Variants in COL20A1 observed in about 807,000 individuals in gnomAD.
COL20A1 encodes the protein collagen type XX alpha 1 chain.
COL20A1 carries 164 observed loss-of-function variants against 152.9 expected under a neutral mutation model. The observed-to-expected ratio is 1.07, with a 90% CI of 0.94 to 1.22. COL20A1 has a LOEUF of 1.22. Ranked by LOEUF, COL20A1 falls within the 50% of genes most tolerant of loss-of-function variation. COL20A1 has a pLI of 0.00. For synonymous variants in COL20A1, 864 were observed against 756.0 expected (o/e 1.14, Z -2.34); for missense variants, 1,873 against 1,744.8 (o/e 1.07, Z -1.31).
chr20:63,313,949 T>C lies in COL20A1; in HGVS notation c.2358+58T>C, dbSNP rs2068051839. On this transcript the variant is annotated intron_variant, in intron 18 of 35. Coordinates refer to ENST00000358894, the MANE Select transcript of COL20A1 (RefSeq NM_020882.4). The surrounding 1 kb of genome is among the most constrained non-coding windows in gnomAD (Gnocchi z 5.9). ...CTCGTGGGGCCTCCTGGAAGGGGTA[T>C]GGCCACACTGTCTGCGAAGGGTGGC... 2 of 1,588,122 alleles carry C rather than the reference T, an allele frequency of 1.3e-6. No individual in the cohort carries two copies. Among genetic ancestry groups the C allele is most frequent in the Admixed American group, 1.7e-5 (1 of 58,348 alleles).
intron 20 of COL20A1, 106 bp downstream of exon 20, chr20:63,315,545 T>C: frequency 9.4e-7 from 1 of 1,058,868 alleles, no homozygotes; most frequent in East Asian, 2.7e-5. Context: ...GGTGGTGCAG[T>C]TGGAGGATGT....
Position 63,305,907 on chromosome 20 carries a change from G to C in COL20A1, c.364G>C (p.Asp122His). ...TGAGGATCTGAAGAGTAGCTCCCTG[G>C]ACAGGAGCAGCCAGAGGCCCCTCGG... ...VIEDLKSSSL[D>H]RSSQRPLGSG... Residue 122 changes from aspartate (D) to histidine (H), a missense_variant, in exon 5 of 36, where the codon GAC becomes CAC. Coordinates refer to ENST00000358894, the MANE Select transcript of COL20A1 (RefSeq NM_020882.4). The surrounding 1 kb of genome is among the most constrained non-coding windows in gnomAD (Gnocchi z 4.9). The C allele has an allele frequency of 6.2e-7, 1 of 1,613,020 alleles. No individual in the cohort carries two copies. Among genetic ancestry groups the C allele is most frequent in the Non-Finnish European group, 8.5e-7 (1 of 1,179,834 alleles).
chr20:63,333,948 A>T lies in COL20A1; in HGVS notation c.*3232A>T, dbSNP rs78889887. On this transcript the variant is annotated 3_prime_UTR_variant, in exon 36 of 36. Transcript: ENST00000358894. ...ACCAGGGCAGATGGTGGGGGAAGCC[A>T]GTGTCTGTAGATTCAGTGCATTTCT... 6.6e-6 allele frequency: 1 copy of T among 152,302 alleles called. No individual in the cohort carries two copies. The highest frequency in any genetic ancestry group is 2.4e-5 in the African/African-American group (1 of 41,452). The allele number at this position is 152,302 out of a possible 1,614,324, so 9.4% of individuals were successfully genotyped here. A position where few individuals can be genotyped will look rare whatever the true frequency, so the allele number is the denominator to read the frequency against.
At chr20:63,300,196 A>G (rs1252535779) in intron 3 of COL20A1, among the ~76,000 whole-genome samples, 1 of 152,170 alleles carries the variant, frequency 6.6e-6, no homozygotes. Context: ...AGTCCTTTTA[A>G]AGTTTGGTAT....
At position 63,323,834 on chromosome 20, in the gene COL20A1, G is replaced by T. The variant is rs888613522; in HGVS notation, c.3295-1607G>T. ...CCCCAGAATTTTCCTGGCTCTCTTT[G>T]CTTATTTCATTGTTCAGTGAACTGT... On this transcript the variant is annotated intron_variant, in intron 27 of 35. Coordinates refer to ENST00000358894, the MANE Select transcript of COL20A1 (RefSeq NM_020882.4). Among the ~76,000 whole-genome samples the T allele has an allele frequency of 1.1e-4, 17 of 152,154 alleles. 1 individual carries two copies. Among genetic ancestry groups the T allele is most frequent in the African/African-American group, 3.6e-4 (15 of 41,422 alleles).
At chr20:63,310,960 T>C (rs1258524754) in intron 11 of COL20A1, among the ~76,000 whole-genome samples, 1 of 152,086 alleles carries the variant, frequency 6.6e-6, no homozygotes, top group Non-Finnish European at 1.5e-5. Context: ...CTGTCACCCA[T>C]GGCCACAGTT....
At chr20:63,304,181 A>G (rs1294387962) in intron 3 of COL20A1, among the ~76,000 whole-genome samples, 157 of 113,326 alleles carry the variant, frequency 1.4e-3, no homozygotes, top group South Asian at 2.4e-3. Flanking sequence ...TCCTCCCTCC[A>G]GGTGTGCATG....
Position 63,313,430 on chromosome 20 carries a change from G to A in COL20A1, c.2209+181G>A, listed in dbSNP as rs879390980. Among the ~76,000 whole-genome samples the A allele has an allele frequency of 6.6e-6, 1 of 152,206 alleles. No individual in the cohort carries two copies. The highest frequency in any genetic ancestry group is 1.5e-5 in the Non-Finnish European group (1 of 68,026). On this transcript the variant is annotated intron_variant, in intron 17 of 35. Coordinates refer to ENST00000358894, the MANE Select transcript of COL20A1 (RefSeq NM_020882.4). This position sits in a 1 kb window ranked among gnomAD's most constrained non-coding sequence, Gnocchi z 5.9. Reference sequence around the variant, plus strand: ...CTTCCTTGAGCTCACACGGGTATAGGTGTTCCCCCAGTGGCCGAGTGCACA... The same window carrying A: ...CTTCCTTGAGCTCACACGGGTATAGATGTTCCCCCAGTGGCCGAGTGCACA...
intron 3 of COL20A1, among the ~76,000 whole-genome samples, chr20:63,300,701 T>G (rs1035401565): frequency 6.6e-6 from 1 of 152,216 alleles, no homozygotes; most frequent in Admixed American, 6.5e-5. Flanking sequence ...TCTTTTACTC[T>G]GTGTTTAATT....
chr20:63,325,616 C>T (rs1429204093), intron 28 of COL20A1, 52 bp from the exon 29 acceptor site: 4 of 1,575,174 alleles, frequency 2.5e-6, no homozygotes, highest in African/African-American at 2.7e-5. Flanking sequence ...GCAGGGCCAC[C>T]TCTGGATGTG....
Position 63,320,281 on chromosome 20 carries a change from T to C in COL20A1, c.3076-10T>C. ...AGCCCCGGGGCTGAGCCGGCTCCCC[T>C]GCGTTGCAGTTTCAGCTCCAGATGC... On this transcript the variant is annotated splice_polypyrimidine_tract_variant and intron_variant, in intron 24 of 35. Transcript: ENST00000358894. The C allele has an allele frequency of 7.5e-6, 12 of 1,609,022 alleles. No homozygotes were observed. Among genetic ancestry groups the C allele is most frequent in the Non-Finnish European group, 9.3e-6 (11 of 1,179,746 alleles).
Position 63,311,460 on chromosome 20 carries a change from G to A in COL20A1, c.1460G>A (p.Trp487Ter). 1 of 1,573,866 alleles carries A rather than the reference G, an allele frequency of 6.4e-7. No homozygotes were observed. Among genetic ancestry groups the A allele is most frequent in the Non-Finnish European group, 8.6e-7 (1 of 1,160,210 alleles). ...AVTPRTVHLT[W>*]QPSAGATHYL... is the part of the protein sequence containing the mutation. ...ACGCCCAGAACCGTCCACCTCACCT[G>A]GCAGCCCTCGGCCGGGGCCACCCAC... The change falls in exon 12 of 36, where the codon TGG becomes TAG. Residue 487 changes from tryptophan to a stop codon, truncating the protein, a stop_gained. Coordinates refer to ENST00000358894, the MANE Select transcript of COL20A1 (RefSeq NM_020882.4). LOFTEE classifies it high-confidence loss of function. This position sits in a 1 kb window ranked among gnomAD's most constrained non-coding sequence, Gnocchi z 4.4.
intron 35 of COL20A1, among the ~76,000 whole-genome samples, chr20:63,330,011 T>A (rs118003674): frequency 0.041 from 6,184 of 150,986 alleles, 169 homozygotes; most frequent in Middle Eastern, 0.094. Context: ...GCAGGGAGAG[T>A]GGAGCTCAGG....
chr20:63,324,477 G>A, intron 27 of COL20A1: 1 of 152,208 alleles, frequency 6.6e-6, no homozygotes, highest in South Asian at 2.1e-4. Context: ...TCATGTGGTA[G>A]TGAAGTCCAT....
At chr20:63,295,916 TGG>T (rs2067787882) in intron 2 of COL20A1, among the ~76,000 whole-genome samples, 2 of 152,250 alleles carry the variant, frequency 1.3e-5, no homozygotes, top group Non-Finnish European at 2.9e-5. Flanking sequence ...TGCAAGCTCC[TGG>T]GAGGTTCCGG....
Position 63,319,814 on chromosome 20 carries a change from G to T in COL20A1, c.2916+218G>T, listed in dbSNP as rs551094952. Among the ~76,000 whole-genome samples the T allele has an allele frequency of 6.6e-6, 1 of 152,138 alleles. No homozygotes were observed. On this transcript the variant is annotated intron_variant, in intron 23 of 35. Coordinates refer to ENST00000358894, the MANE Select transcript of COL20A1 (RefSeq NM_020882.4). The surrounding 1 kb of genome is among the most constrained non-coding windows in gnomAD (Gnocchi z 4.4). Reference sequence around the variant, plus strand: ...CATCTCTTTGGGACCCACAGACCCCGGGAGGCTCCTGCAGCAGGTGCCATT... The same window carrying T: ...CATCTCTTTGGGACCCACAGACCCCTGGAGGCTCCTGCAGCAGGTGCCATT...
intron 2 of COL20A1, among the ~76,000 whole-genome samples, chr20:63,296,094 C>T (rs2067790829): frequency 6.6e-6 from 1 of 152,236 alleles, no homozygotes; most frequent in African/African-American, 2.4e-5. Context: ...CCCGGTGTAG[C>T]GTGGAGCCGC....
At chr20:63,307,827 C>A in intron 6 of COL20A1, 144 bp from the exon 7 acceptor site, 1 of 1,196,954 alleles carries the variant, frequency 8.4e-7, no homozygotes, top group Non-Finnish European at 1.2e-6. Context: ...CCTGGCTCTG[C>A]AAGCGTCCTC....
At position 63,334,423 on chromosome 20, in the gene COL20A1, C is replaced by T. The variant is rs538575087; in HGVS notation, c.*3707C>T. The stretch of plus-strand genomic sequence containing the variant: ...TAAATACAGTGCTTTGTTTTGTTTT[C>T]TTGTTTTTTGAGACAAGGTCTTGCT... On this transcript the variant is annotated 3_prime_UTR_variant, in exon 36 of 36. Coordinates refer to ENST00000358894, the MANE Select transcript of COL20A1 (RefSeq NM_020882.4). 1 of 152,260 alleles carries T rather than the reference C, an allele frequency of 6.6e-6. No homozygotes were observed. Among genetic ancestry groups the T allele is most frequent in the Non-Finnish European group, 1.5e-5 (1 of 68,014 alleles). The allele number at this position is 152,260 out of a possible 1,614,324, so 9.4% of individuals were successfully genotyped here. A position where few individuals can be genotyped will look rare whatever the true frequency, so the allele number is the denominator to read the frequency against.
Sources: gnomAD v4.1 joint callset for allele counts (sites outside exome capture counted in the v4.1 genomes callset) on GRCh38, gnomAD v4.1.1 for gene constraint, Gnocchi (gnomAD v3.1) non-coding constraint, MANE v1.5 for transcripts, NCBI Gene and HGNC (gene_info 2026-07-23, HGNC 2026-07-21) for gene names.